Variants in NPM1 observed in about 807,000 individuals in gnomAD.
NPM1 encodes nucleophosmin 1.
Under a neutral mutation model 44.1 loss-of-function variants are expected in NPM1, and 1 was observed. The observed-to-expected ratio is 0.02, with a 90% CI of 0.01 to 0.11. NPM1 has a LOEUF of 0.11. Ranked by LOEUF, NPM1 falls within the 10% of genes least tolerant of loss-of-function variation. NPM1 has a pLI of 1.00. For synonymous variants in NPM1, 126 were observed against 111.8 expected (o/e 1.13, Z -0.80); for missense variants, 197 against 347.8 (o/e 0.57, Z 3.45).
chr5:171,406,690 A>T (rs1296830688), intron 9 of NPM1: 1 of 1,272,644 alleles, frequency 7.9e-7, no homozygotes, highest in Admixed American at 3.7e-5. Flanking sequence ...TCGCCTTTGT[A>T]TCTCCTTAGC....
intron 1 of NPM1, among the ~76,000 whole-genome samples, chr5:171,389,254 G>T (rs1350576094): frequency 1.3e-5 from 2 of 152,210 alleles, no homozygotes; most frequent in Admixed American, 6.5e-5. Flanking sequence ...TCCGTGCTGA[G>T]ATTTGTTAAT....
chr5:171,397,294 C>T (rs1446739363), intron 6 of NPM1, among the ~76,000 whole-genome samples: 1 of 152,164 alleles, frequency 6.6e-6, no homozygotes, highest in East Asian at 1.9e-4. Flanking sequence ...AGTTGGTGAG[C>T]ATTTGAGTTG....
intron 8 of NPM1, among the ~76,000 whole-genome samples, chr5:171,402,971 T>TGTTC (rs1561872960): frequency 1.8e-4 from 21 of 115,966 alleles, no homozygotes; most frequent in Non-Finnish European, 1.7e-5. Context: ...TTTTTTCATT[T>TGTTC]TATTTATTTA....
At chr5:171,401,323 C>T (rs1771185634) in intron 8 of NPM1, among the ~76,000 whole-genome samples, 1 of 151,406 alleles carries the variant, frequency 6.6e-6, no homozygotes, top group African/African-American at 2.4e-5. Flanking sequence ...TGCACTCCAG[C>T]TTGGGCAAAA....
intron 7 of NPM1, 50 bp downstream of exon 7, chr5:171,400,260 G>T (rs1419602395): frequency 1.9e-6 from 3 of 1,609,192 alleles, no homozygotes; most frequent in Non-Finnish European, 2.5e-6. Flanking sequence ...TAGAAATGGT[G>T]ATTTTTTAGT....
rs759833831 is a variant in NPM1 at position 171,410,791 on chromosome 5, A to G, written c.*226A>G. On this transcript the variant is annotated 3_prime_UTR_variant, in exon 11 of 11. Coordinates refer to ENST00000296930, the MANE Select transcript of NPM1 (RefSeq NM_002520.7). ...TGGTTTTAAGTATGTATGGAATGTT[A>G]TGATAGGACATAGTAGTAGCGGTGG... The G allele has an allele frequency of 1.4e-4, 61 of 441,942 alleles. No homozygotes were observed. Among genetic ancestry groups the G allele is most frequent in the Non-Finnish European group, 2.4e-4 (59 of 250,172 alleles). The allele number at this position is 441,942 out of a possible 1,614,324, so 27.4% of individuals were successfully genotyped here. A position where few individuals can be genotyped will look rare whatever the true frequency, so the allele number is the denominator to read the frequency against.
rs1771530232 is a variant in NPM1 at position 171,405,727 on chromosome 5, A to G, written c.771+324A>G. The G allele has an allele frequency of 3.8e-5, 11 of 287,952 alleles. No individual in the cohort carries two copies. The South Asian group carries it at 4.3e-4, about 11-fold the overall frequency. The allele number at this position is 287,952 out of a possible 1,614,324, so 17.8% of individuals were successfully genotyped here. A position where few individuals can be genotyped will look rare whatever the true frequency, so the allele number is the denominator to read the frequency against. On this transcript the variant is annotated intron_variant, in intron 9 of 10. Coordinates refer to ENST00000296930, the MANE Select transcript of NPM1 (RefSeq NM_002520.7). ...CTATTCTGGTTGTAAGATATGCTAG[A>G]GAACCAACAGAGGGCGTATGAGACT...
At chr5:171,388,504 C>T (rs941687120) in intron 1 of NPM1, among the ~76,000 whole-genome samples, 2 of 150,020 alleles carry the variant, frequency 1.3e-5, no homozygotes, top group African/African-American at 4.9e-5. Context: ...AGACTTACCT[C>T]GCGTGCTTCG....
upstream of NPM1, chr5:171,387,830 A>C (rs374925391): frequency 1.8e-3 from 1,668 of 941,680 alleles, 36 homozygotes; most frequent in South Asian, 0.023. Context: ...TCTATATATA[A>C]GCGCGGGGAG....
chr5:171,410,521 TTC>T lies in NPM1; in HGVS notation c.847-5_847-4del. On this transcript the variant is annotated splice_polypyrimidine_tract_variant and splice_region_variant and intron_variant, in intron 10 of 10. Coordinates refer to ENST00000296930, the MANE Select transcript of NPM1 (RefSeq NM_002520.7). ...CTTAACCACATTTCTTTTTTTTTTT[TTC>T]CAGGCTATTCAAGATCTCTGGCAGT... The T allele has an allele frequency of 6.4e-7, 1 of 1,555,556 alleles. No individual in the cohort carries two copies. Among genetic ancestry groups the T allele is most frequent in the South Asian group, 1.2e-5 (1 of 84,160 alleles).
At position 171,392,754 on chromosome 5, in the gene NPM1, G is replaced by A. The variant is rs2113180298; in HGVS notation, c.397G>A (p.Val133Met). ...GTCAGAAGATGAAGAGGAGGAGGATGTGAAACTCTTAAGTATATCTGGAAA... is the reference window on the plus strand; with the variant it reads ...GTCAGAAGATGAAGAGGAGGAGGATATGAAACTCTTAAGTATATCTGGAAA... ...AESEDEEEED[V>M]KLLSISGKRS... is the part of the protein sequence containing the mutation. The change falls in exon 5 of 11, where the codon GTG (valine) becomes ATG (methionine). Residue 133 changes from valine to methionine, a missense_variant. Val to Met is a conservative substitution (Grantham distance 21). This residue lies in a region of NPM1 where 91 missense variants were observed against 94.0 expected (regional missense o/e 0.97). Transcript: ENST00000296930. The A allele has an allele frequency of 1.9e-6, 3 of 1,613,784 alleles. No individual in the cohort carries two copies. The highest frequency in any genetic ancestry group is 2.5e-6 in the Non-Finnish European group (3 of 1,179,808).
chr5:171,406,631 C>T (rs1410117781), intron 9 of NPM1: 1 of 1,332,878 alleles, frequency 7.5e-7, no homozygotes, highest in Non-Finnish European at 9.6e-7. Flanking sequence ...GAACCTTGCC[C>T]TTTGCTTTCT....
intron 10 of NPM1, among the ~76,000 whole-genome samples, chr5:171,408,181 A>G (rs1169720638): frequency 6.7e-6 from 1 of 150,052 alleles, no homozygotes; most frequent in East Asian, 1.9e-4. Context: ...TATGGGAAAT[A>G]CATTATGCCA....
chr5:171,389,539 G>A (rs1000504702), intron 1 of NPM1, among the ~76,000 whole-genome samples: 2 of 152,196 alleles, frequency 1.3e-5, no homozygotes, highest in African/African-American at 4.8e-5. Context: ...AGTTTGAGGC[G>A]TATGTCACTT....
At chr5:171,405,455 G>A (rs1771513631) in intron 9 of NPM1, 52 bp downstream of exon 9, 1 of 795,390 alleles carries the variant, frequency 1.3e-6, no homozygotes, top group East Asian at 2.6e-5. Flanking sequence ...AATTGCACGT[G>A]TCTGGTTTGC....
At chr5:171,388,148 G>A in intron 1 of NPM1, 142 bp downstream of exon 1, 1 of 771,372 alleles carries the variant, frequency 1.3e-6, no homozygotes, top group Non-Finnish European at 2.1e-6. Flanking sequence ...GGGAAGAGCT[G>A]CCTGAGCCCT....
intron 8 of NPM1, among the ~76,000 whole-genome samples, chr5:171,402,111 T>C (rs1771234559): frequency 6.6e-6 from 1 of 150,452 alleles, no homozygotes; most frequent in Admixed American, 6.7e-5. Flanking sequence ...ACGAATAAAT[T>C]TCATATTCTA....
At chr5:171,396,038 G>C (rs1388133382) in intron 6 of NPM1, among the ~76,000 whole-genome samples, 2 of 151,112 alleles carry the variant, frequency 1.3e-5, no homozygotes, top group Non-Finnish European at 2.9e-5. Context: ...GGAGTGCAGT[G>C]GTGCAATCAT....
intron 10 of NPM1, among the ~76,000 whole-genome samples, chr5:171,408,530 A>C (rs1160261182): frequency 6.6e-6 from 1 of 152,122 alleles, no homozygotes; most frequent in African/African-American, 2.4e-5. Context: ...TCAATTATTT[A>C]ATTGCACTTC....
Sources: gnomAD v4.1 joint callset for allele counts (sites outside exome capture counted in the v4.1 genomes callset) on GRCh38, gnomAD v4.1.1 for gene constraint, gnomAD v4.1.1 regional missense constraint, MANE v1.5 for transcripts, NCBI Gene and HGNC (gene_info 2026-07-23, HGNC 2026-07-21) for gene names.